CNTN5: variants seen among roughly 807,000 people sequenced by gnomAD.
The protein encoded by CNTN5 is contactin-5.
In CNTN5, 77 loss-of-function variants were observed where a neutral mutation model predicts 129.1. The ratio of observed to expected loss-of-function variants is 0.60; its 90% CI spans 0.50 to 0.72. CNTN5 has a LOEUF of 0.72. Ranked by LOEUF, CNTN5 falls within the 30% of genes least tolerant of loss-of-function variation. CNTN5 has a pLI of 0.00. For synonymous variants in CNTN5, 509 were observed against 465.6 expected, an observed-to-expected ratio of 1.09 and a Z score of -1.20; for missense variants, 1,478 against 1,328.8, an observed-to-expected ratio of 1.11 and a Z score of -1.75.
intron 2 of CNTN5, among the ~76,000 whole-genome samples, chr11:99,465,733 A>G (rs1334695242): frequency 6.6e-6 from 1 of 152,070 alleles, no homozygotes; most frequent in Non-Finnish European, 1.5e-5. Flanking sequence ...TAGTTGGCTT[A>G]TGGTGCCGCA....
At chr11:99,593,274 C>T (rs533579116) in intron 3 of CNTN5, among the ~76,000 whole-genome samples, 1 of 152,138 alleles carries the variant, frequency 6.6e-6, no homozygotes, top group East Asian at 1.9e-4. Flanking sequence ...GCTAGAATGC[C>T]TGAAGGATAT....
At chr11:99,074,953 C>T (rs1439364291) in intron 1 of CNTN5, among the ~76,000 whole-genome samples, 6 of 151,982 alleles carry the variant, frequency 3.9e-5, no homozygotes, top group Non-Finnish European at 7.4e-5. Flanking sequence ...TGAAAAATAG[C>T]GAGGATATTG....
At chr11:99,889,346 G>T (rs868848923) in intron 6 of CNTN5, among the ~76,000 whole-genome samples, 1 of 73,510 alleles carries the variant, frequency 1.4e-5, no homozygotes, top group Admixed American at 1.3e-4. Context: ...GTGTGTGTGT[G>T]TGTGTGTGTG....
At chr11:99,668,491 G>C (rs1952892664) in intron 3 of CNTN5, among the ~76,000 whole-genome samples, 1 of 152,170 alleles carries the variant, frequency 6.6e-6, no homozygotes, top group East Asian at 1.9e-4. Flanking sequence ...CACAGCTTAA[G>C]AAACTCAAGG....
chr11:100,297,204 G>A (rs1951115377), intron 18 of CNTN5, among the ~76,000 whole-genome samples: 2 of 151,418 alleles, frequency 1.3e-5, no homozygotes, highest in African/African-American at 2.4e-5. Context: ...GAAGCTTCCT[G>A]GGGGTTCTGG....
intron 1 of CNTN5, among the ~76,000 whole-genome samples, chr11:99,167,220 G>T (rs540456262): frequency 6.6e-6 from 1 of 151,752 alleles, no homozygotes; most frequent in Non-Finnish European, 1.5e-5. Context: ...TGGTTCTGCT[G>T]TTTCTAAAAA....
chr11:99,332,671 C>T (rs1424916664), intron 2 of CNTN5, among the ~76,000 whole-genome samples: 3 of 152,078 alleles, frequency 2.0e-5, no homozygotes, highest in East Asian at 1.9e-4. Context: ...TTGGCAACCA[C>T]GCCTCTACAA....
At chr11:100,191,722 T>C (rs1339781773) in intron 14 of CNTN5, among the ~76,000 whole-genome samples, 1 of 152,010 alleles carries the variant, frequency 6.6e-6, no homozygotes, top group African/African-American at 2.4e-5. Flanking sequence ...CCAGAGCTGT[T>C]TGTTGATGTC....
chr11:99,079,394 G>T (rs1865704555), intron 1 of CNTN5, among the ~76,000 whole-genome samples: 1 of 152,074 alleles, frequency 6.6e-6, no homozygotes, highest in South Asian at 2.1e-4. Context: ...TGCAGTTTTA[G>T]ATGCTATGGT....
intron 1 of CNTN5, among the ~76,000 whole-genome samples, chr11:99,226,488 C>A (rs1860693202): frequency 6.6e-6 from 1 of 152,156 alleles, no homozygotes; most frequent in Admixed American, 6.5e-5. Context: ...GGCTCTGTAC[C>A]TGACCTCATT....
intron 7 of CNTN5, among the ~76,000 whole-genome samples, chr11:99,919,722 C>T (rs916594244): frequency 2.0e-4 from 30 of 152,268 alleles, no homozygotes; most frequent in South Asian, 4.1e-4. Context: ...TTCAAAAAGT[C>T]ATTCAATCCC....
intron 2 of CNTN5, among the ~76,000 whole-genome samples, chr11:99,471,892 A>G (rs972664296): frequency 6.6e-6 from 1 of 152,132 alleles, no homozygotes; most frequent in Non-Finnish European, 1.5e-5. Flanking sequence ...CTCAATACCT[A>G]TCATGATGCC....
At position 99,819,527 on chromosome 11, in the gene CNTN5, T is replaced by C. The variant is rs376713995; in HGVS notation, c.56-17T>C. ...TTTCCTCAAAATTCAGATTTTATTA[T>C]ATTTTTTCTCTTACAGAGTATTCAA... is the stretch of plus-strand genomic sequence containing the variant. On this transcript the variant is annotated splice_polypyrimidine_tract_variant and intron_variant, in intron 3 of 24. Transcript: ENST00000524871. The C allele has an allele frequency of 1.3e-5, 20 of 1,578,510 alleles. No homozygotes were observed. Among genetic ancestry groups the C allele is most frequent in the African/African-American group, 5.4e-5 (4 of 73,850 alleles).
chr11:99,301,043 A>C (rs1191171088), intron 1 of CNTN5, among the ~76,000 whole-genome samples: 1 of 151,854 alleles, frequency 6.6e-6, no homozygotes, highest in African/African-American at 2.4e-5. Flanking sequence ...AGTTGGTATT[A>C]ATCCAAATTG....
At chr11:100,117,215 C>T (rs1945871275) in intron 13 of CNTN5, among the ~76,000 whole-genome samples, 2 of 151,962 alleles carry the variant, frequency 1.3e-5, no homozygotes. Context: ...TACCATCACT[C>T]AAAAGCATTT....
intron 13 of CNTN5, among the ~76,000 whole-genome samples, chr11:100,171,914 A>G (rs886540436): frequency 1.3e-5 from 2 of 152,086 alleles, no homozygotes; most frequent in Non-Finnish European, 2.9e-5. Context: ...CTAGCTATAA[A>G]TAGTGTTTTT....
chr11:99,427,253 G>A (rs1446927008), intron 2 of CNTN5, among the ~76,000 whole-genome samples: 1 of 152,074 alleles, frequency 6.6e-6, no homozygotes, highest in Non-Finnish European at 1.5e-5. Flanking sequence ...AAAGCCAAGA[G>A]TACAGAATGT....
intron 7 of CNTN5, among the ~76,000 whole-genome samples, chr11:99,933,163 G>C (rs1950229833): frequency 6.6e-6 from 1 of 152,064 alleles, no homozygotes; most frequent in African/African-American, 2.4e-5. Flanking sequence ...GAAATATAGT[G>C]ATGTAGTTAT....
At chr11:100,036,002 G>T (rs922393252) in intron 9 of CNTN5, among the ~76,000 whole-genome samples, 64 of 152,134 alleles carry the variant, frequency 4.2e-4, no homozygotes, top group Admixed American at 1.6e-3. Context: ...TTGGCTTTTG[G>T]TGCCGTTGCT....
Sources: allele counts gnomAD v4.1 joint callset (sites outside exome capture counted in the v4.1 genomes callset), GRCh38; gene constraint gnomAD v4.1.1; transcripts MANE v1.5; gene names NCBI Gene and HGNC (gene_info 2026-07-23, HGNC 2026-07-21).